LGI3: variants seen among roughly 807,000 people sequenced by gnomAD.
LGI3 encodes the protein leucine rich repeat LGI family member 3.
Under a neutral mutation model 55.4 loss-of-function variants are expected in LGI3, and 47 were observed. That is an observed-to-expected ratio of 0.85 (90% CI 0.67 to 1.08). The LOEUF is 1.08. Among genes scored for constraint, LGI3 ranks in the 50% least tolerant of loss-of-function variants. The pLI, the probability that LGI3 is intolerant of heterozygous loss-of-function variation, is 0.00. For missense variants in LGI3, 664 were observed against 726.3 expected (o/e 0.91, Z 0.99); for synonymous variants, 326 against 315.0 (o/e 1.04, Z -0.37).
rs951523486 is a variant in LGI3, at chr8:22,147,830, C to T, written c.*330G>A. ...GCACAAGGACAGGAGGATGCGGCCC[C>T]CCTCGCTCCCAGCACCCCGCACCAC... On this transcript the variant is annotated 3_prime_UTR_variant, in exon 8 of 8. Transcript: ENST00000306317. 1 of 280,730 alleles carries T rather than the reference C, an allele frequency of 3.6e-6. No individual in the cohort carries two copies. 17.4% of individuals were successfully genotyped at this position (280,730 alleles called of 1,614,324 possible).
intron 5 of LGI3, among the ~76,000 whole-genome samples, chr8:22,152,685 G>C (rs1827394999): frequency 6.7e-6 from 1 of 149,090 alleles, no homozygotes; most frequent in Admixed American, 6.8e-5. Context: ...AGGTTGCAGT[G>C]AGCGGAGATC....
Position 22,148,628 on chromosome 8 carries a change from G to C in LGI3, c.1179C>G (p.Ser393=), listed in dbSNP as rs1193715446. ...DGEGKPRLIV[S]SSSQAPVIYQ... Reference sequence around the variant, plus strand: ...AGATGACGGGTGCCTGGGAGCTGCTGGACACAATCAGCCGTGGCTTGCCCT... The same window carrying C: ...AGATGACGGGTGCCTGGGAGCTGCTCGACACAATCAGCCGTGGCTTGCCCT... The change falls in exon 8 of 8, where the codon TCC becomes TCG. Residue 393 remains serine, a synonymous_variant. Transcript: ENST00000306317. The surrounding 1 kb of genome is among the most constrained non-coding windows in gnomAD (Gnocchi z 7.0). 1 of 1,613,948 alleles carries C rather than the reference G, an allele frequency of 6.2e-7. No individual in the cohort carries two copies. Among genetic ancestry groups the C allele is most frequent in the Admixed American group, 1.7e-5 (1 of 60,032 alleles).
chr8:22,148,928 G>A lies in LGI3; in HGVS notation c.879C>T (p.Tyr293=), dbSNP rs564844564. 2.5e-5 allele frequency: 40 copies of A among 1,613,988 alleles called. No homozygotes were observed. Among genetic ancestry groups the A allele is most frequent in the Middle Eastern group, 1.7e-4 (1 of 6,052 alleles). ...CKPMVVDSQL[Y]VVVAQLFGGS... ...CGCCAAACAGCTGGGCCACGACCAC[G>A]TACAGCTGGCTGTCCACCACCATCG... The change falls in exon 8 of 8, where the codon TAC becomes TAT. Residue 293 remains tyrosine (Y), a synonymous_variant. Transcript: ENST00000306317. This position sits in a 1 kb window ranked among gnomAD's most constrained non-coding sequence, Gnocchi z 7.0.
Position 22,153,997 on chromosome 8 carries a change from G to T in LGI3, c.465C>A (p.Ile155=), listed in dbSNP as rs1827451313. 1.9e-6 allele frequency: 3 copies of T among 1,614,098 alleles called. No homozygotes were observed. Among genetic ancestry groups the T allele is most frequent in the East Asian group, 2.2e-5 (1 of 44,896 alleles). Residue 155 remains isoleucine (I), a synonymous_variant, in exon 5 of 8, where the codon ATC becomes ATA. Coordinates refer to ENST00000306317, the MANE Select transcript of LGI3 (RefSeq NM_139278.4). ...NNNLQTLPRD[I]FRPLDILNDL... Reference sequence around the variant, plus strand: ...CATTCAGGATGTCCAGGGGCCGGAAGATGTCTCTGGGCAGTGTCTGCAGGT... The same window carrying T: ...CATTCAGGATGTCCAGGGGCCGGAATATGTCTCTGGGCAGTGTCTGCAGGT...
intron 5 of LGI3, 43 bp downstream of exon 5, chr8:22,153,925 G>T (rs59381926): frequency 2.5e-6 from 4 of 1,586,734 alleles, no homozygotes; most frequent in Non-Finnish European, 3.5e-6. Flanking sequence ...CCAGGGATGC[G>T]CCCTCTGCGG....
intron 3 of LGI3, 74 bp downstream of exon 3, chr8:22,154,486 C>T: frequency 7.6e-7 from 1 of 1,323,404 alleles, no homozygotes; most frequent in Admixed American, 1.7e-5. Flanking sequence ...CACTCCCTAC[C>T]CAGTCCCTCG....
chr8:22,155,479 A>C lies in LGI3; in HGVS notation c.207-16T>G. On this transcript the variant is annotated splice_polypyrimidine_tract_variant and intron_variant, in intron 1 of 7. Coordinates refer to ENST00000306317, the MANE Select transcript of LGI3 (RefSeq NM_139278.4). ...CACCAGGGTCCTGCGGGGACACCCGAGTCAGTACTGTGGGGTCTGCAAGGG... is the reference window on the plus strand; with the variant it reads ...CACCAGGGTCCTGCGGGGACACCCGCGTCAGTACTGTGGGGTCTGCAAGGG... The C allele has an allele frequency of 6.2e-7, 1 of 1,612,030 alleles. No individual in the cohort carries two copies. Among genetic ancestry groups the C allele is most frequent in the Non-Finnish European group, 8.5e-7 (1 of 1,178,622 alleles).
rs374572103 is a variant in LGI3 at position 22,155,468 on chromosome 8, G to A, written c.207-5C>T. ...AAGGCGGCATTCACCAGGGTCCTGC[G>A]GGGACACCCGAGTCAGTACTGTGGG... On this transcript the variant is annotated splice_polypyrimidine_tract_variant and splice_region_variant and intron_variant, in intron 1 of 7. Transcript: ENST00000306317. 45 of 1,613,102 alleles carry A rather than the reference G, an allele frequency of 2.8e-5. No homozygotes were observed. In the African/African-American group the frequency reaches 3.7e-4, roughly 13 times the overall value.
intron 7 of LGI3, among the ~76,000 whole-genome samples, chr8:22,150,760 T>C (rs979042824): frequency 4.6e-5 from 7 of 151,982 alleles, no homozygotes; most frequent in Admixed American, 1.3e-4. Context: ...CCCCCTACTG[T>C]TCTGCCCTCA....
chr8:22,149,064 A>T (rs1827345874), intron 7 of LGI3, 87 bp from the exon 8 acceptor site: 1 of 928,218 alleles, frequency 1.1e-6, no homozygotes, highest in African/African-American at 1.7e-5. Flanking sequence ...GTCCCTTCCA[A>T]ACTTGGGCCA....
intron 7 of LGI3, among the ~76,000 whole-genome samples, chr8:22,150,945 T>TACAC (rs1344712855): frequency 6.6e-6 from 1 of 152,044 alleles, no homozygotes; most frequent in African/African-American, 2.4e-5. Flanking sequence ...TGCACACATA[T>TACAC]ACACACTCAC....
chr8:22,154,167 G>A lies in LGI3; in HGVS notation c.397C>T (p.Arg133Ter), dbSNP rs1459110303. 8.1e-6 allele frequency: 13 copies of A among 1,613,984 alleles called. No homozygotes were observed. The highest frequency in any genetic ancestry group is 1.3e-5 in the African/African-American group (1 of 74,890). ...AGGTGAGTCAAGGACTTGAGTCCTC[G>A]GAAGGTGAACTTGGATAGTGCCCAG... ...DIWALSKFTF[R>*]GLKSLTHLSL... The change falls in exon 4 of 8, where the codon CGA (arginine) becomes TGA (stop). Residue 133 changes from arginine to a stop codon, truncating the protein, a stop_gained. Transcript: ENST00000306317. LOFTEE classifies it high-confidence loss of function.
At position 22,154,641 on chromosome 8, in the gene LGI3, C is replaced by T. The variant is rs367796599; in HGVS notation, c.279-10G>A. 4 of 1,609,736 alleles carry T rather than the reference C, an allele frequency of 2.5e-6. No homozygotes were observed. The highest frequency in any genetic ancestry group is 3.4e-6 in the Non-Finnish European group (4 of 1,176,278). ...GTTGGAGTTGAGTAACCTGCAGAGA[C>T]AAAGGTGGAATTAGAGCTTCCAAGG... On this transcript the variant is annotated splice_polypyrimidine_tract_variant and intron_variant, in intron 2 of 7. Coordinates refer to ENST00000306317, the MANE Select transcript of LGI3 (RefSeq NM_139278.4).
chr8:22,154,617 T>C lies in LGI3; in HGVS notation c.293A>G (p.Asn98Ser), dbSNP rs1484128557. 5 of 1,613,824 alleles carry C rather than the reference T, an allele frequency of 3.1e-6. No homozygotes were observed. Among genetic ancestry groups the C allele is most frequent in the East Asian group, 2.2e-5 (1 of 44,872 alleles). ...GTTGTCTCCAATCAGTGTAAACTTG[T>C]TGGAGTTGAGTAACCTGCAGAGACA... is the stretch of plus-strand genomic sequence containing the variant. Reference protein sequence around the residue: ...PLLQFLLLNSNKFTLIGDNAF... With the variant: ...PLLQFLLLNSSKFTLIGDNAF... The change falls in exon 3 of 8, where the codon AAC becomes AGC. Residue 98 changes from asparagine (N) to serine (S), a missense_variant. Asn to Ser is a conservative substitution (Grantham distance 46, BLOSUM62 1). Transcript: ENST00000306317.
intron 7 of LGI3, among the ~76,000 whole-genome samples, chr8:22,150,390 G>C (rs918474161): frequency 1.8e-5 from 2 of 113,364 alleles, no homozygotes; most frequent in East Asian, 5.0e-4. Flanking sequence ...ATGGAGTCTC[G>C]CTCTGTCACC....
intron 5 of LGI3, among the ~76,000 whole-genome samples, chr8:22,152,668 G>A (rs762262338): frequency 1.8e-4 from 27 of 151,470 alleles, no homozygotes; most frequent in Non-Finnish European, 2.9e-4. Context: ...TTGAACCCGG[G>A]AGGCAGAGGT....
intron 7 of LGI3, among the ~76,000 whole-genome samples, chr8:22,150,351 ATTTTTTTTT>A (rs61084616): frequency 1.8e-4 from 13 of 72,574 alleles, no homozygotes; most frequent in Non-Finnish European, 2.7e-4. Context: ...TAAGCCTTCT[ATTTTTTTTT>A]TTTTTTTTTT....
At chr8:22,154,663 A>C in intron 2 of LGI3, 32 bp from the exon 3 acceptor site, 1 of 1,548,992 alleles carries the variant, frequency 6.5e-7, no homozygotes, top group South Asian at 1.1e-5. Flanking sequence ...TAGAGCTTCC[A>C]AGGGTGTGCC....
At position 22,154,368 on chromosome 8, in the gene LGI3, G is replaced by A. The variant is rs1827458812; in HGVS notation, c.351-155C>T. 5 of 786,364 alleles carry A rather than the reference G, an allele frequency of 6.4e-6. No homozygotes were observed. The Admixed American group carries it at 1.0e-4, about 16-fold the overall frequency. The allele number at this position is 786,364 out of a possible 1,614,324, so 48.7% of individuals were successfully genotyped here. On this transcript the variant is annotated intron_variant, in intron 3 of 7. Coordinates refer to ENST00000306317, the MANE Select transcript of LGI3 (RefSeq NM_139278.4). ...CCAAGCCATAGAGATAGAGCATCAG[G>A]TAGGGTAGAGGCAAAATGAATGAAA...
Sources: allele counts gnomAD v4.1 joint callset (sites outside exome capture counted in the v4.1 genomes callset), GRCh38; gene constraint gnomAD v4.1.1; non-coding constraint Gnocchi (gnomAD v3.1); transcripts MANE v1.5; gene names NCBI Gene and HGNC (gene_info 2026-07-23, HGNC 2026-07-21).